RECK: variants seen among roughly 807,000 people sequenced by gnomAD.
RECK encodes reversion-inducing cysteine-rich protein with Kazal motifs.
In RECK, 69 loss-of-function variants were observed where a neutral mutation model predicts 115.1. That is an observed-to-expected ratio of 0.60 (90% confidence interval 0.49 to 0.73). The LOEUF (loss-of-function observed/expected upper bound fraction) is 0.73, where lower values mean the gene tolerates loss of function less well. Ranked by LOEUF, RECK falls within the 30% of genes least tolerant of loss-of-function variation. The pLI is 0.00. For synonymous variants in RECK, 414 were observed against 419.7 expected, an observed-to-expected ratio of 0.99 and a Z score of 0.17; for missense variants, 1,047 against 1,203.7, an observed-to-expected ratio of 0.87 and a Z score of 1.93.
chr9:36,103,551 G>C (rs552961811), intron 12 of RECK, among the ~76,000 whole-genome samples: 2 of 152,336 alleles, frequency 1.3e-5, no homozygotes, highest in African/African-American at 4.8e-5. Context: ...ACTGAGAAAG[G>C]TTATTTTTTA....
At chr9:36,118,593 C>T (rs1228876699) in intron 17 of RECK, among the ~76,000 whole-genome samples, 164 bp from the exon 18 acceptor site, 1 of 152,128 alleles carries the variant, frequency 6.6e-6, no homozygotes, top group Non-Finnish European at 1.5e-5. Flanking sequence ...CCCACGCCAC[C>T]ACCACCCCCA....
intron 9 of RECK, among the ~76,000 whole-genome samples, chr9:36,090,806 A>G (rs7862798): frequency 0.46 from 70,113 of 152,018 alleles, 16,337 homozygotes; most frequent in Middle Eastern, 0.61. Flanking sequence ...ATATCTTTGC[A>G]GAGGCAAAAC....
intron 6 of RECK, among the ~76,000 whole-genome samples, chr9:36,077,529 G>T (rs1344991730): frequency 6.6e-6 from 1 of 152,138 alleles, no homozygotes; most frequent in Non-Finnish European, 1.5e-5. Context: ...TTCATCAAAT[G>T]CTGGTATACT....
intron 4 of RECK, among the ~76,000 whole-genome samples, chr9:36,060,609 C>T (rs763195099): frequency 7.9e-5 from 12 of 152,020 alleles, no homozygotes; most frequent in Non-Finnish European, 1.6e-4. Flanking sequence ...TGATTACTAC[C>T]TCCTTATGAC....
In RECK at chr9:36,100,328, T is replaced by C; in HGVS notation, c.1086-3T>C. ...GATTCTTTCTGGCCTTTTTTCTCTT[T>C]AGGCCAACAGAACTTTTCAGGAGTT... On this transcript the variant is annotated splice_polypyrimidine_tract_variant and splice_region_variant and intron_variant, in intron 10 of 20. Transcript: ENST00000377966. 1.9e-6 allele frequency: 3 copies of C among 1,612,654 alleles called. No homozygotes were observed. The South Asian group carries it at 3.3e-5, about 18-fold the overall frequency.
At chr9:36,097,124 G>A (rs1409103736) in intron 10 of RECK, among the ~76,000 whole-genome samples, 1 of 152,070 alleles carries the variant, frequency 6.6e-6, no homozygotes, top group Non-Finnish European at 1.5e-5. Context: ...AAGAGTTCAA[G>A]GCCAGCCTGG....
At position 36,118,755 on chromosome 9, in the gene RECK, A is replaced by C; in HGVS notation, c.2254-2A>C. Reference sequence around the variant, plus strand: ...GGCTAAATGTGATTTGTTTGCCCTCAGCCCTTTTGCAGAGCAACCGAGCCC... The same window carrying C: ...GGCTAAATGTGATTTGTTTGCCCTCCGCCCTTTTGCAGAGCAACCGAGCCC... On this transcript the variant is annotated splice_acceptor_variant, in intron 17 of 20. Transcript: ENST00000377966. LOFTEE classifies it high-confidence loss of function. 1 of 1,613,350 alleles carries C rather than the reference A, an allele frequency of 6.2e-7. No homozygotes were observed. Among genetic ancestry groups the C allele is most frequent in the Non-Finnish European group, 8.5e-7 (1 of 1,179,578 alleles).
chr9:36,096,580 C>A (rs1823350153), intron 10 of RECK, among the ~76,000 whole-genome samples: 3 of 151,960 alleles, frequency 2.0e-5, no homozygotes, highest in Admixed American at 6.6e-5. Context: ...ATAGAAACAT[C>A]TTTTCAACAA....
At chr9:36,045,930 A>T (rs754820911) in intron 1 of RECK, among the ~76,000 whole-genome samples, 1 of 152,150 alleles carries the variant, frequency 6.6e-6, no homozygotes, top group African/African-American at 2.4e-5. Context: ...TACCTTCTTA[A>T]GCCCAAAAAA....
chr9:36,082,177 T>TCTCTCTCTCTCTCTCA (rs1822737706), intron 7 of RECK, among the ~76,000 whole-genome samples: 1 of 150,870 alleles, frequency 6.6e-6, no homozygotes, highest in Non-Finnish European at 1.5e-5. Flanking sequence ...TCTCTCTCTC[T>TCTCTCTCTCTCTCTCA]CTCTCTCTCT....
chr9:36,104,294 A>G (rs4879953), intron 12 of RECK, among the ~76,000 whole-genome samples: 4,426 of 11,932 alleles, frequency 0.37, 309 homozygotes, highest in Middle Eastern at 0.5. Flanking sequence ...GTGTGTGTGT[A>G]TATATATATA....
intron 1 of RECK, among the ~76,000 whole-genome samples, chr9:36,049,589 A>T (rs996206125): frequency 2.0e-5 from 3 of 152,208 alleles, no homozygotes; most frequent in African/African-American, 4.8e-5. Context: ...CATGCAGCCC[A>T]TGGGCCACCG....
At chr9:36,066,895 A>T (rs1026398031) in intron 6 of RECK, 1 of 1,229,756 alleles carries the variant, frequency 8.1e-7, no homozygotes, top group African/African-American at 1.5e-5. Flanking sequence ...CTGTCCTATG[A>T]TAGAAATACT....
In RECK at chr9:36,082,121, C is replaced by A. The variant is rs539211518; in HGVS notation, c.440-1244C>A. 6.2e-5 allele frequency among the ~76,000 whole-genome samples: 9 copies of A among 144,840 alleles called. No individual in the cohort carries two copies. The South Asian group carries it at 1.8e-3, about 29-fold the overall frequency. The stretch of plus-strand genomic sequence containing the variant: ...TGATTCTGGTTCCTCCATATCTATC[C>A]CTAATAATTATCAAGAATTTCCTCC... On this transcript the variant is annotated intron_variant, in intron 7 of 20. Coordinates refer to ENST00000377966, the MANE Select transcript of RECK (RefSeq NM_021111.3).
rs1823016987 is a variant in RECK at position 36,087,682 on chromosome 9, C to T, written c.638-12C>T. The T allele has an allele frequency of 6.2e-7, 1 of 1,607,830 alleles. No individual in the cohort carries two copies. Among genetic ancestry groups the T allele is most frequent in the African/African-American group, 1.3e-5 (1 of 74,636 alleles). ...AACAGCTAATTAAGCCACTTATATTCTGAAAATGTAGGTTTATATTGCTGT... is the reference window on the plus strand; with the variant it reads ...AACAGCTAATTAAGCCACTTATATTTTGAAAATGTAGGTTTATATTGCTGT... On this transcript the variant is annotated splice_polypyrimidine_tract_variant and intron_variant, in intron 8 of 20. Coordinates refer to ENST00000377966, the MANE Select transcript of RECK (RefSeq NM_021111.3).
intron 18 of RECK, among the ~76,000 whole-genome samples, chr9:36,119,199 C>A (rs1270456987): frequency 6.6e-6 from 1 of 152,166 alleles, no homozygotes; most frequent in Non-Finnish European, 1.5e-5. Flanking sequence ...TTTTCTCAAG[C>A]TAAATCTTAC....
In RECK at chr9:36,091,591, C is replaced by T. The variant is rs149228531; in HGVS notation, c.1085+248C>T. On this transcript the variant is annotated intron_variant, in intron 10 of 20. Transcript: ENST00000377966. ...AAGAATCTCTTCTGCCGTCAGTCCC[C>T]TCTCCCTTCTACTGTACCACCAGTG... Among the ~76,000 whole-genome samples, 642 of 152,312 alleles carry T rather than the reference C, an allele frequency of 4.2e-3. 5 individuals carry two copies. The highest frequency in any genetic ancestry group is 0.015 in the African/African-American group (607 of 41,582).
At chr9:36,046,972 C>T (rs1450257828) in intron 1 of RECK, among the ~76,000 whole-genome samples, 1 of 152,172 alleles carries the variant, frequency 6.6e-6, no homozygotes, top group Non-Finnish European at 1.5e-5. Context: ...TTGAAATAGA[C>T]CTTTGCTCCA....
At chr9:36,043,253 AG>A (rs1434555499) in intron 1 of RECK, among the ~76,000 whole-genome samples, 1 of 139,380 alleles carries the variant, frequency 7.2e-6, no homozygotes, top group Non-Finnish European at 1.5e-5. Context: ...CATGTTAACC[AG>A]GATGGTCTCA....
Sources: gnomAD v4.1 joint callset for allele counts (sites outside exome capture counted in the v4.1 genomes callset) on GRCh38, gnomAD v4.1.1 for gene constraint, MANE v1.5 for transcripts, NCBI Gene and HGNC (gene_info 2026-07-23, HGNC 2026-07-21) for gene names.